Variants in MMP10 observed in about 807,000 individuals in gnomAD.
MMP10 encodes the protein stromelysin-2.
Under a neutral mutation model 49.1 loss-of-function variants are expected in MMP10, and 50 were observed. That is an observed-to-expected ratio of 1.02 (90% CI 0.81 to 1.29). MMP10 has a LOEUF of 1.29. Among genes scored for constraint, MMP10 ranks in the 50% most tolerant of loss-of-function variants. The probability of loss-of-function intolerance (pLI) is 0.00; values close to 1 mark genes in which losing one functional copy is unlikely to be tolerated. For synonymous variants in MMP10, 229 were observed against 201.6 expected (o/e 1.14, Z -1.15); for missense variants, 613 against 563.8 (o/e 1.09, Z -0.88).
rs1449138740 is a variant in MMP10 at position 102,770,829 on chromosome 11, T to A, written c.1395A>T (p.Thr465=). ...ACCAGCTGTTACTCTTTAATATGTG[T>A]GTCACCATCCTGGCATTGGGGTCAA... ...FEFDPNARMV[T]HILKSNSWLH... The change falls in exon 10 of 10, where the codon ACA becomes ACT. Residue 465 remains threonine, a synonymous_variant. Transcript: ENST00000279441. 1 of 1,613,020 alleles carries A rather than the reference T, an allele frequency of 6.2e-7. No homozygotes were observed. The highest frequency in any genetic ancestry group is 1.3e-5 in the African/African-American group (1 of 75,004).
In MMP10 at chr11:102,772,993, C is replaced by T. The variant is rs1259398084; in HGVS notation, c.1080G>A (p.Trp360Ter). ...TVFIFKGNEF[W>*]AIRGNEVQAG... ...CTTGTACCTCATTTCCTCTGATGGC[C>T]CAGAACTCATTTCCTATTGAAAAAA... The change falls in exon 8 of 10, where the codon TGG becomes TGA. Residue 360 changes from tryptophan (W) to a stop codon, truncating the protein, a stop_gained. Transcript: ENST00000279441. LOFTEE classifies it high-confidence loss of function. The surrounding 1 kb of genome is among the most constrained non-coding windows in gnomAD (Gnocchi z 4.4). 6.3e-7 allele frequency: 1 copy of T among 1,593,994 alleles called. No homozygotes were observed. Among genetic ancestry groups the T allele is most frequent in the Non-Finnish European group, 8.5e-7 (1 of 1,173,794 alleles).
chr11:102,772,808 A>T lies in MMP10; in HGVS notation c.1226+39T>A. On this transcript the variant is annotated intron_variant, in intron 8 of 9. Transcript: ENST00000279441. The surrounding 1 kb of genome is among the most constrained non-coding windows in gnomAD (Gnocchi z 4.4). ...CTTAAAGAAAGAAAATAATTTTCTT[A>T]ATCAGGCTTCATAGAAAGTCATTTC... is the stretch of plus-strand genomic sequence containing the variant. 2 of 1,581,748 alleles carry T rather than the reference A, an allele frequency of 1.3e-6. No homozygotes were observed. The highest frequency in any genetic ancestry group is 1.7e-6 in the Non-Finnish European group (2 of 1,164,038).
rs1458770349 is a variant in MMP10, at chr11:102,775,287, G to A, written c.967C>T (p.Pro323Ser). 1.2e-6 allele frequency: 2 copies of A among 1,610,062 alleles called. No homozygotes were observed. Among genetic ancestry groups the A allele is most frequent in the African/African-American group, 2.7e-5 (2 of 74,788 alleles). The part of the protein sequence containing the change: ...FWRRSHWNPE[P>S]EFHLISAFWP... The stretch of plus-strand genomic sequence containing the variant: ...AATGCAGAAATCAAATGAAATTCAG[G>A]TTCAGGGTTCCAGTGGGATCTTCGC... The change falls in exon 7 of 10, where the codon CCT becomes TCT. Residue 323 changes from proline to serine, a missense_variant. Pro to Ser is a moderately conservative substitution (Grantham distance 74, BLOSUM62 -1). Coordinates refer to ENST00000279441, the MANE Select transcript of MMP10 (RefSeq NM_002425.3).
chr11:102,778,572 G>C, intron 4 of MMP10, 52 bp downstream of exon 4: 1 of 1,589,992 alleles, frequency 6.3e-7, no homozygotes, highest in Non-Finnish European at 8.6e-7. Flanking sequence ...AATTATTTTT[G>C]GGTAGGATTG....
At chr11:102,779,157 C>A in intron 3 of MMP10, 56 bp downstream of exon 3, 1 of 1,591,464 alleles carries the variant, frequency 6.3e-7, no homozygotes, top group Non-Finnish European at 8.5e-7. Flanking sequence ...AGGTAACTTG[C>A]TATAGCAGTC....
Position 102,779,534 on chromosome 11 carries a change from G to A in MMP10, c.317C>T (p.Pro106Leu), listed in dbSNP as rs181247657. 5.5e-5 allele frequency: 89 copies of A among 1,613,756 alleles called. No homozygotes were observed. In the East Asian group the frequency reaches 1.7e-3, roughly 32 times the overall value. Reference sequence around the variant, plus strand: ...TGTAAGGTGGGTTTTCCTCCACTTCGGCATGCCAGGAAAGGAGCTGAAGTG... The same window carrying A: ...TGTAAGGTGGGTTTTCCTCCACTTCAGCATGCCAGGAAAGGAGCTGAAGTG... ...VGHFSSFPGM[P>L]KWRKTHLTYR... The change falls in exon 2 of 10, where the codon CCG (proline) becomes CTG (leucine). Residue 106 changes from proline to leucine, a missense_variant. Pro to Leu is a moderately conservative substitution (Grantham distance 98). Coordinates refer to ENST00000279441, the MANE Select transcript of MMP10 (RefSeq NM_002425.3).
chr11:102,776,492 C>T (rs1857739497), intron 5 of MMP10, 68 bp from the exon 6 acceptor site: 1 of 1,589,012 alleles, frequency 6.3e-7, no homozygotes, highest in East Asian at 2.2e-5. Flanking sequence ...ATTTGTGTGC[C>T]TTTCAAACAT....
chr11:102,775,024 T>C (rs1862007971), intron 7 of MMP10, among the ~76,000 whole-genome samples, 164 bp downstream of exon 7: 1 of 152,222 alleles, frequency 6.6e-6, no homozygotes, highest in Non-Finnish European at 1.5e-5. Flanking sequence ...TCTTAAGAGG[T>C]CTCTAAAATA....
chr11:102,778,597 A>G (rs1261626135), intron 4 of MMP10, 27 bp downstream of exon 4: 1 of 1,610,564 alleles, frequency 6.2e-7, no homozygotes, highest in African/African-American at 1.3e-5. Flanking sequence ...TTATTCCTGA[A>G]ATGTTCCCGA....
rs756676904 is a variant in MMP10 at position 102,779,633 on chromosome 11, T to A, written c.218A>T (p.Glu73Val). The change falls in exon 2 of 10, where the codon GAG becomes GTG. Residue 73 changes from glutamate to valine, a missense_variant. Coordinates refer to ENST00000279441, the MANE Select transcript of MMP10 (RefSeq NM_002425.3). The stretch of plus-strand genomic sequence containing the variant: ...GTCAGTGTCTAGCTTCCCTGTCACC[T>A]CCAACCCAAGGAACTTCTGCATTCC... ...IQGMQKFLGL[E>V]VTGKLDTDTL... is the part of the protein sequence containing the mutation. The A allele has an allele frequency of 1.9e-6, 3 of 1,613,906 alleles. No individual in the cohort carries two copies. In the South Asian group the frequency reaches 3.3e-5, roughly 18 times the overall value.
rs1861982214 is a variant in MMP10, at chr11:102,772,137, C to T, written c.1227-22G>A. On this transcript the variant is annotated intron_variant, in intron 8 of 9. Transcript: ENST00000279441. This position sits in a 1 kb window ranked among gnomAD's most constrained non-coding sequence, Gnocchi z 4.4. ...AAATCTAAACCAAATGAAAGAAATA[C>T]AGTTCAATGATGTGCAGTAGTCCCA... 3 of 1,458,312 alleles carry T rather than the reference C, an allele frequency of 2.1e-6. No individual in the cohort carries two copies. The highest frequency in any genetic ancestry group is 1.4e-5 in the African/African-American group (1 of 71,718). The allele number at this position is 1,458,312 out of a possible 1,614,324, so 90.3% of individuals were successfully genotyped here.
chr11:102,775,116 T>G, intron 7 of MMP10, 72 bp downstream of exon 7: 1 of 1,212,978 alleles, frequency 8.2e-7, no homozygotes, highest in Non-Finnish European at 1.1e-6. Flanking sequence ...ATATAATGGA[T>G]AAAACTCATG....
In MMP10 at chr11:102,772,945, A is replaced by G; in HGVS notation, c.1128T>C (p.His376=). ...EVQAGYPRGI[H]TLGFPPTIRK... ...TTATGGTTGGAGGAAAACCCAGGGT[A>G]TGGATGCCTCTTGGATAACCTGCTT... Residue 376 remains histidine (H), a synonymous_variant, in exon 8 of 10, where the codon CAT becomes CAC. Coordinates refer to ENST00000279441, the MANE Select transcript of MMP10 (RefSeq NM_002425.3). The surrounding 1 kb of genome is among the most constrained non-coding windows in gnomAD (Gnocchi z 4.4). The G allele has an allele frequency of 6.2e-7, 1 of 1,613,818 alleles. No homozygotes were observed. Among genetic ancestry groups the G allele is most frequent in the Non-Finnish European group, 8.5e-7 (1 of 1,179,786 alleles).
intron 9 of MMP10, among the ~76,000 whole-genome samples, 198 bp downstream of exon 9, chr11:102,771,812 AAC>A (rs61090976): frequency 0.22 from 33,575 of 150,046 alleles, 3,999 homozygotes; most frequent in Admixed American, 0.31. Flanking sequence ...TATTCAGGAA[AAC>A]ACACACACAC....
intron 3 of MMP10, 79 bp from the exon 4 acceptor site, chr11:102,778,828 C>G: frequency 6.5e-7 from 1 of 1,527,694 alleles, no homozygotes; most frequent in African/African-American, 1.4e-5. Flanking sequence ...ACAGTAGATT[C>G]TATAGTCTGA....
At chr11:102,779,422 GA>G in intron 2 of MMP10, 61 bp from the exon 3 acceptor site, 1 of 1,608,674 alleles carries the variant, frequency 6.2e-7, no homozygotes, top group Non-Finnish European at 8.5e-7. Flanking sequence ...AATTGTTAAA[GA>G]AAACTTTATG....
intron 7 of MMP10, among the ~76,000 whole-genome samples, chr11:102,774,149 T>C (rs760219906): frequency 8.6e-5 from 13 of 152,008 alleles, no homozygotes; most frequent in African/African-American, 2.4e-5. Context: ...AAATGAGAAA[T>C]TAAAGAATTA....
At chr11:102,775,162 A>C in intron 7 of MMP10, 26 bp downstream of exon 7, 1 of 1,464,586 alleles carries the variant, frequency 6.8e-7, no homozygotes, top group Non-Finnish European at 9.1e-7. Context: ...TATTCCAGCA[A>C]GTTGAAATTC....
intron 9 of MMP10, 89 bp from the exon 10 acceptor site, chr11:102,770,982 T>G: frequency 1.2e-6 from 1 of 833,454 alleles, no homozygotes; most frequent in Non-Finnish European, 1.9e-6. Flanking sequence ...AAGTTAATAA[T>G]GGAGGGCATT....
Sources: allele counts gnomAD v4.1 joint callset (sites outside exome capture counted in the v4.1 genomes callset), GRCh38; gene constraint gnomAD v4.1.1; non-coding constraint Gnocchi (gnomAD v3.1); transcripts MANE v1.5; gene names NCBI Gene and HGNC (gene_info 2026-07-23, HGNC 2026-07-21).